PLCB1: variants seen among roughly 807,000 people sequenced by gnomAD.
PLCB1 encodes the protein 1-phosphatidylinositol 4,5-bisphosphate phosphodiesterase beta-1.
Under a neutral mutation model 161.8 loss-of-function variants are expected in PLCB1, and 46 were observed. That is an observed-to-expected ratio of 0.28 (90% confidence interval 0.22 to 0.36). PLCB1 has a LOEUF of 0.36. Ranked by LOEUF, PLCB1 falls within the 10% of genes least tolerant of loss-of-function variation. The probability of loss-of-function intolerance (pLI) is 1.00; values close to 1 mark genes in which losing one functional copy is unlikely to be tolerated. For missense variants in PLCB1, 1,016 were observed against 1,472.5 expected (o/e 0.69, Z 5.07); for synonymous variants, 517 against 503.7 (o/e 1.03, Z -0.35).
intron 31 of PLCB1, among the ~76,000 whole-genome samples, chr20:8,804,259 T>G (rs1984420338): frequency 6.6e-6 from 1 of 152,202 alleles, no homozygotes; most frequent in African/African-American, 2.4e-5. Flanking sequence ...GCATTTTTGT[T>G]GCTGTGCTCT....
intron 3 of PLCB1, among the ~76,000 whole-genome samples, chr20:8,547,007 G>A (rs1985577031): frequency 6.6e-6 from 1 of 152,084 alleles, no homozygotes; most frequent in Admixed American, 6.6e-5. Context: ...TCAAGGCTTG[G>A]CATTAGTTAA....
Position 8,312,048 on chromosome 20 carries a change from A to G in PLCB1, c.178-59334A>G, listed in dbSNP as rs144506313. On this transcript the variant is annotated intron_variant, in intron 2 of 31. Transcript: ENST00000338037. ...ATATACAGATAACGGTGAGTTGCAG[A>G]TGATATTATAGGTGGCCTATCCAGA... Among the ~76,000 whole-genome samples the G allele has an allele frequency of 3.7e-4, 57 of 152,238 alleles. No homozygotes were observed. In the East Asian group the frequency reaches 0.01, roughly 27 times the overall value.
chr20:8,732,431 A>G (rs1301667846), intron 18 of PLCB1, among the ~76,000 whole-genome samples: 1 of 151,806 alleles, frequency 6.6e-6, no homozygotes, highest in Non-Finnish European at 1.5e-5. Context: ...CAAAGATTTC[A>G]CCACAATGAT....
intron 3 of PLCB1, among the ~76,000 whole-genome samples, chr20:8,410,780 G>A (rs547678116): frequency 6.3e-4 from 96 of 152,224 alleles, no homozygotes; most frequent in Middle Eastern, 3.4e-3. Context: ...ATCTTGAGAG[G>A]AAAAGATCAT....
chr20:8,625,873 T>G (rs1474900638), intron 3 of PLCB1, among the ~76,000 whole-genome samples: 3 of 152,160 alleles, frequency 2.0e-5, no homozygotes, highest in Admixed American at 6.6e-5. Flanking sequence ...ATTATAAATT[T>G]CTAATTATAT....
At chr20:8,628,143 G>A in intron 3 of PLCB1, 151 bp from the exon 4 acceptor site, 1 of 638,626 alleles carries the variant, frequency 1.6e-6, no homozygotes, top group Non-Finnish European at 2.7e-6. Flanking sequence ...TAGGCCATTT[G>A]TGGAATGGGA....
chr20:8,616,980 G>T (rs553297992), intron 3 of PLCB1, among the ~76,000 whole-genome samples: 1 of 152,162 alleles, frequency 6.6e-6, no homozygotes, highest in African/African-American at 2.4e-5. Flanking sequence ...CCCAGAGAAG[G>T]CCTAAGGAGA....
chr20:8,673,813 G>A (rs1990007503), intron 9 of PLCB1, among the ~76,000 whole-genome samples: 2 of 152,102 alleles, frequency 1.3e-5, no homozygotes, highest in Non-Finnish European at 2.9e-5. Flanking sequence ...TATTTGTTGA[G>A]CATTTACAAG....
chr20:8,340,537 C>T (rs1255190912), intron 2 of PLCB1, among the ~76,000 whole-genome samples: 6 of 152,104 alleles, frequency 3.9e-5, no homozygotes. Flanking sequence ...ATTCTCCTGC[C>T]TCAGCCTCCC....
intron 3 of PLCB1, among the ~76,000 whole-genome samples, chr20:8,418,470 C>T (rs1215561433): frequency 6.6e-6 from 1 of 152,166 alleles, no homozygotes; most frequent in Admixed American, 6.6e-5. Context: ...TACAATTATA[C>T]ATAAATTTTT....
chr20:8,276,995 ATTATTATTATTATTATTATTG>A (rs1268158067), intron 2 of PLCB1, among the ~76,000 whole-genome samples: 2 of 121,908 alleles, frequency 1.6e-5, no homozygotes, highest in African/African-American at 6.7e-5. Flanking sequence ...TCTTATTATT[ATTATTATTATTATTATTATTG>A]TTAGAGATGG....
intron 31 of PLCB1, among the ~76,000 whole-genome samples, chr20:8,833,215 C>T (rs915154944): frequency 6.6e-6 from 1 of 152,148 alleles, no homozygotes; most frequent in African/African-American, 2.4e-5. Flanking sequence ...TTAATGGACT[C>T]ATAGTTCCAC....
intron 2 of PLCB1, among the ~76,000 whole-genome samples, chr20:8,290,998 G>C (rs1307851806): frequency 6.6e-6 from 1 of 151,022 alleles, no homozygotes; most frequent in Non-Finnish European, 1.5e-5. Flanking sequence ...AGACCTCATG[G>C]TGACTTGGCT....
chr20:8,385,434 C>T (rs1160623653), intron 3 of PLCB1, among the ~76,000 whole-genome samples: 1 of 152,204 alleles, frequency 6.6e-6, no homozygotes, highest in East Asian at 1.9e-4. Flanking sequence ...CCTTCCCCAC[C>T]CAGGGAGCTT....
chr20:8,304,126 G>A lies in PLCB1; in HGVS notation c.178-67256G>A, dbSNP rs543030512. On this transcript the variant is annotated intron_variant, in intron 2 of 31. Transcript: ENST00000338037. ...GTAAGTCCTGGCCCAGTAAAAAATG[G>A]GGACCAAATCTGATGGACTCAAGGG... is the stretch of plus-strand genomic sequence containing the variant. 2.6e-5 allele frequency among the ~76,000 whole-genome samples: 4 copies of A among 152,268 alleles called. No homozygotes were observed. The South Asian group carries it at 8.3e-4, about 32-fold the overall frequency.
chr20:8,882,385 AATTT>A lies in PLCB1; in HGVS notation c.*543_*546del, dbSNP rs1362034627. The stretch of plus-strand genomic sequence containing the variant: ...AAGCACTGGTGGCTTGCAGTTTGCT[AATTT>A]ATTTATCATAGAGTCATCAATGTAT... On this transcript the variant is annotated 3_prime_UTR_variant, in exon 32 of 32. Transcript: ENST00000338037. 1.2e-5 allele frequency: 2 copies of A among 161,358 alleles called. No homozygotes were observed. The highest frequency in any genetic ancestry group is 2.4e-5 in the African/African-American group (1 of 41,474). 10.0% of individuals were successfully genotyped at this position (161,358 alleles called of 1,614,324 possible).
At chr20:8,722,492 C>A in intron 15 of PLCB1, 71 bp downstream of exon 15, 3 of 1,137,626 alleles carry the variant, frequency 2.6e-6, no homozygotes, top group South Asian at 1.9e-5. Context: ...GTCTCATGGT[C>A]ACTTTCTGCC....
intron 25 of PLCB1, among the ~76,000 whole-genome samples, chr20:8,761,350 T>G (rs565222543): frequency 6.6e-6 from 1 of 152,338 alleles, no homozygotes; most frequent in Admixed American, 6.5e-5. Context: ...ATTCTAACTT[T>G]GACCTAAGTG....
chr20:8,159,751 G>A (rs942082750), intron 2 of PLCB1, among the ~76,000 whole-genome samples: 25 of 151,982 alleles, frequency 1.6e-4, no homozygotes, highest in African/African-American at 4.8e-4. Flanking sequence ...ACTTTGGGAG[G>A]CTGAGTTGGG....
Sources: allele counts gnomAD v4.1 joint callset (sites outside exome capture counted in the v4.1 genomes callset), GRCh38; gene constraint gnomAD v4.1.1; transcripts MANE v1.5; gene names NCBI Gene and HGNC (gene_info 2026-07-23, HGNC 2026-07-21).